ABCC12: variants seen among roughly 807,000 people sequenced by gnomAD.
ABCC12 encodes the protein ATP-binding cassette sub-family C member 12.
Under a neutral mutation model 151.1 loss-of-function variants are expected in ABCC12, and 142 were observed. That is an observed-to-expected ratio of 0.94 (90% confidence interval 0.82 to 1.08). The LOEUF (loss-of-function observed/expected upper bound fraction) is 1.08, where lower values mean the gene tolerates loss of function less well. Ranked by LOEUF, ABCC12 falls within the 50% of genes least tolerant of loss-of-function variation. The probability of loss-of-function intolerance (pLI) is 0.00; values close to 1 mark genes in which losing one functional copy is unlikely to be tolerated. For missense variants in ABCC12, 1,638 were observed against 1,691.1 expected, an observed-to-expected ratio of 0.97 and a Z score of 0.55; for synonymous variants, 645 against 646.4, an observed-to-expected ratio of 1.00 and a Z score of 0.03.
intron 15 of ABCC12, among the ~76,000 whole-genome samples, chr16:48,112,794 GC>G (rs1300162084): frequency 1.3e-4 from 20 of 152,124 alleles, no homozygotes; most frequent in African/African-American, 4.1e-4. Context: ...CAGGCAAGAG[GC>G]CACATTCCCT....
Position 48,128,701 on chromosome 16 carries a change from TG to T in ABCC12, c.1272del (p.Thr425ProfsTer12), listed in dbSNP as rs1964322251. 2 of 1,614,022 alleles carry T rather than the reference TG, an allele frequency of 1.2e-6. No individual in the cohort carries two copies. The highest frequency in any genetic ancestry group is 1.7e-6 in the Non-Finnish European group (2 of 1,180,000). ...ACAGTATCTGGGTCTTCTGGTTGGG[TG>T]ATGTAAGATGGGGGGCTTTTATCTA... The part of the protein sequence containing the change: ...ILIDKSPPSY[I>X]TQPEDPDTVL... On this transcript the variant is annotated frameshift_variant, in exon 11 of 31. Coordinates refer to ENST00000311303, the MANE Select transcript of ABCC12 (RefSeq NM_001393797.1). LOFTEE classifies it high-confidence loss of function.
intron 3 of ABCC12, among the ~76,000 whole-genome samples, chr16:48,144,542 T>C (rs1033701592): frequency 2.6e-5 from 4 of 152,096 alleles, no homozygotes; most frequent in Non-Finnish European, 4.4e-5. Flanking sequence ...TAAGGTAGTA[T>C]AGAAGTCCAC....
chr16:48,115,657 A>T (rs1310479939), intron 14 of ABCC12, 39 bp from the exon 15 acceptor site: 1 of 1,573,768 alleles, frequency 6.4e-7, no homozygotes, highest in Non-Finnish European at 8.6e-7. Context: ...TTGTCAGCCC[A>T]CCCTGAAGTT....
In ABCC12 at chr16:48,083,643, C is replaced by T; in HGVS notation, c.*72G>A. On this transcript the variant is annotated 3_prime_UTR_variant, in exon 31 of 31. Transcript: ENST00000311303. ...CAGGGCTGCCTGCGGAGAGGACAGC[C>T]CCTCCTCCTGAAGACTCCTCCTATT... is the stretch of plus-strand genomic sequence containing the variant. The T allele has an allele frequency of 6.7e-7, 1 of 1,500,592 alleles. No homozygotes were observed. The highest frequency in any genetic ancestry group is 9.2e-7 in the Non-Finnish European group (1 of 1,087,340). 93.0% of individuals were successfully genotyped at this position (1,500,592 alleles called of 1,614,324 possible).
rs980199149 is a variant in ABCC12 at position 48,092,078 on chromosome 16, AAG to A, written c.3196-871_3196-870del. Among the ~76,000 whole-genome samples, 60 of 152,342 alleles carry A rather than the reference AAG, an allele frequency of 3.9e-4. 1 individual carries two copies. Among genetic ancestry groups the A allele is most frequent in the Middle Eastern group, 6.8e-3 (2 of 294 alleles). On this transcript the variant is annotated intron_variant, in intron 24 of 30. Coordinates refer to ENST00000311303, the MANE Select transcript of ABCC12 (RefSeq NM_001393797.1). ...GATGGCCAGCAGCCACAGAAGCTGG[AAG>A]AGAGAAGAAAGATTCTCCCGAGCCT...
chr16:48,139,467 A>T, intron 6 of ABCC12, 131 bp from the exon 7 acceptor site: 1 of 960,386 alleles, frequency 1.0e-6, no homozygotes, highest in Admixed American at 2.8e-5. Context: ...GGAAGGGGTC[A>T]CCGGGGACCA....
intron 23 of ABCC12, among the ~76,000 whole-genome samples, chr16:48,097,539 A>AG (rs904924112): frequency 1.3e-4 from 20 of 152,068 alleles, no homozygotes; most frequent in Non-Finnish European, 1.0e-4. Context: ...GGGCTTGGAG[A>AG]GGGGGGAAGA....
intron 23 of ABCC12, among the ~76,000 whole-genome samples, chr16:48,097,896 G>T (rs1027566319): frequency 1.3e-5 from 2 of 152,182 alleles, no homozygotes; most frequent in Non-Finnish European, 2.9e-5. Flanking sequence ...TCTGCACAGT[G>T]CATTGCAGCA....
intron 24 of ABCC12, among the ~76,000 whole-genome samples, chr16:48,091,796 G>A (rs1389564681): frequency 6.6e-6 from 1 of 152,202 alleles, no homozygotes; most frequent in Non-Finnish European, 1.5e-5. Flanking sequence ...TATTAGGGCA[G>A]GTTGAATGGT....
rs149529888 is a variant in ABCC12, at chr16:48,133,764, G to C, written c.1051C>G (p.Pro351Ala). ...FVQSGNSALAPIVSTIAIVLT... is the reference protein window; with the variant it reads ...FVQSGNSALAAIVSTIAIVLT... ...ACGATGGCTATGGTGGACACGATGGGGGCCAGGGCAGAGTTTCCACTTTGG... is the reference window on the plus strand; with the variant it reads ...ACGATGGCTATGGTGGACACGATGGCGGCCAGGGCAGAGTTTCCACTTTGG... The change falls in exon 9 of 31, where the codon CCC becomes GCC. Residue 351 changes from proline (P) to alanine (A), a missense_variant. Transcript: ENST00000311303. 7.5e-5 allele frequency: 121 copies of C among 1,614,092 alleles called. No individual in the cohort carries two copies. Among genetic ancestry groups the C allele is most frequent in the Non-Finnish European group, 9.7e-5 (115 of 1,180,022 alleles).
chr16:48,146,497 G>T (rs1965008981), intron 2 of ABCC12, 23 bp from the exon 3 acceptor site: 2 of 1,223,108 alleles, frequency 1.6e-6, no homozygotes, highest in African/African-American at 1.5e-5. Context: ...AATGGCAAAG[G>T]TTATTGAGAG....
rs1383537595 is a variant in ABCC12, at chr16:48,086,838, G to C, written c.3636-19C>G. On this transcript the variant is annotated intron_variant, in intron 27 of 30. Coordinates refer to ENST00000311303, the MANE Select transcript of ABCC12 (RefSeq NM_001393797.1). ...GTTGTACCTGCAATGAAGGAGAGGA[G>C]AGGACAGGGAGCCAGATTTCCAAGG... is the stretch of plus-strand genomic sequence containing the variant. The C allele has an allele frequency of 6.3e-7, 1 of 1,595,990 alleles. No individual in the cohort carries two copies. Among genetic ancestry groups the C allele is most frequent in the Non-Finnish European group, 8.6e-7 (1 of 1,164,132 alleles).
intron 8 of ABCC12, among the ~76,000 whole-genome samples, chr16:48,135,597 G>A (rs1400541047): frequency 6.6e-6 from 1 of 151,846 alleles, no homozygotes; most frequent in Non-Finnish European, 1.5e-5. Context: ...TGTTGCCCAG[G>A]CTAGTCTCGA....
intron 13 of ABCC12, among the ~76,000 whole-genome samples, chr16:48,120,863 T>C (rs538359630): frequency 1.3e-5 from 2 of 152,242 alleles, no homozygotes; most frequent in Non-Finnish European, 2.9e-5. Context: ...TAATGGGTTA[T>C]TAAATGTTCT....
Position 48,138,243 on chromosome 16 carries a change from T to C in ABCC12, c.964A>G (p.Thr322Ala), listed in dbSNP as rs1387407786. The C allele has an allele frequency of 1.2e-6, 2 of 1,609,754 alleles. No homozygotes were observed. Among genetic ancestry groups the C allele is most frequent in the East Asian group, 2.2e-5 (1 of 44,776 alleles). ...IKMYAWEKSF[T>A]NTIQDIRRRE... ...CTTGTCCTACCTTGGATAGTGTTGG[T>C]AAAAGATTTCTCCCAGGCATACATT... Residue 322 changes from threonine to alanine, a missense_variant, in exon 8 of 31, where the codon ACC (threonine) becomes GCC (alanine). Thr to Ala is a moderately conservative substitution (Grantham distance 58, BLOSUM62 0). Coordinates refer to ENST00000311303, the MANE Select transcript of ABCC12 (RefSeq NM_001393797.1).
chr16:48,140,575 G>T, intron 6 of ABCC12, 112 bp downstream of exon 6: 1 of 1,028,838 alleles, frequency 9.7e-7, no homozygotes, highest in Non-Finnish European at 1.5e-6. Flanking sequence ...TGATGGGCAG[G>T]TCATAGACAA....
intron 13 of ABCC12, among the ~76,000 whole-genome samples, chr16:48,118,208 G>T (rs1010838400): frequency 6.6e-6 from 1 of 152,170 alleles, no homozygotes; most frequent in Non-Finnish European, 1.5e-5. Context: ...GGGCCTTCTG[G>T]CACCGAGGAA....
chr16:48,108,019 G>A (rs1238000472), intron 19 of ABCC12, among the ~76,000 whole-genome samples: 1 of 151,608 alleles, frequency 6.6e-6, no homozygotes, highest in African/African-American at 2.4e-5. Context: ...AAAAAAAAAA[G>A]GAAAGAAAGA....
At chr16:48,125,350 G>A (rs1597317342) in intron 11 of ABCC12, among the ~76,000 whole-genome samples, 1 of 152,330 alleles carries the variant, frequency 6.6e-6, no homozygotes, top group East Asian at 1.9e-4. Flanking sequence ...TGCCCCAGCA[G>A]TCATTGTTTG....
Sources: allele counts gnomAD v4.1 joint callset (sites outside exome capture counted in the v4.1 genomes callset), GRCh38; gene constraint gnomAD v4.1.1; transcripts MANE v1.5; gene names NCBI Gene and HGNC (gene_info 2026-07-23, HGNC 2026-07-21).